The following CLCN5 variants were observed in gnomAD, a reference collection of about 807,000 sequenced individuals.
The protein encoded by CLCN5 is H(+)/Cl(-) exchange transporter 5.
Under a neutral mutation model 54.0 loss-of-function variants are expected in CLCN5, and 17 were observed. The ratio of observed to expected loss-of-function variants is 0.31; its 90% CI spans 0.22 to 0.47. The LOEUF (loss-of-function observed/expected upper bound fraction) is 0.47, where lower values mean the gene tolerates loss of function less well. CLCN5 is among the 20% of genes least tolerant of loss of function. The pLI is 1.00. For synonymous variants in CLCN5, 222 were observed against 233.0 expected (o/e 0.95, Z 0.43); for missense variants, 448 against 646.7 (o/e 0.69, Z 3.33).
chrX:49,991,675 A>G (rs1929268858), intron 3 of CLCN5, among the ~76,000 whole-genome samples: 1 of 112,033 alleles, frequency 8.9e-6, no homozygotes, highest in African/African-American at 3.3e-5. Context: ...TAATGCTACA[A>G]GTTTAGCCAA....
In CLCN5 at chrX:50,080,667, C is replaced by T. The variant is rs781909097; in HGVS notation, c.677C>T (p.Ser226Phe). The T allele has an allele frequency of 1.3e-5, 16 of 1,201,708 alleles. No individual in the cohort carries two copies. The highest frequency in any genetic ancestry group is 1.8e-5 in the Non-Finnish European group (16 of 888,365). The change falls in exon 8 of 15, where the codon TCT (serine) becomes TTT (phenylalanine). Residue 226 changes from serine (S) to phenylalanine (F), a missense_variant. Ser to Phe is a radical substitution (Grantham distance 155, BLOSUM62 -2). Around this residue, in one of 5 missense-constraint regions of CLCN5, gnomAD observed 40 missense variants for 27.8 expected, o/e 1.44. Coordinates refer to ENST00000376091, the MANE Select transcript of CLCN5 (RefSeq NM_001127898.4). ...WALLFAFLAV[S>F]LVKVFAPYAC... Reference sequence around the variant, plus strand: ...CTCCTATTTGCCTTCCTTGCCGTATCTCTTGTCAAGGTGTTTGCGCCTTAT... The same window carrying T: ...CTCCTATTTGCCTTCCTTGCCGTATTTCTTGTCAAGGTGTTTGCGCCTTAT...
chrX:49,962,472 A>T (rs1428407640), intron 3 of CLCN5, among the ~76,000 whole-genome samples: 1 of 111,696 alleles, frequency 9.0e-6, no homozygotes, highest in Non-Finnish European at 1.9e-5. Flanking sequence ...GCAGCGGCGA[A>T]TCCCTAATTT....
At chrX:49,952,861 T>C (rs1485164231) in intron 3 of CLCN5, among the ~76,000 whole-genome samples, 2 of 111,166 alleles carry the variant, frequency 1.8e-5, no homozygotes, top group Non-Finnish European at 3.8e-5. Flanking sequence ...CACCCATGCA[T>C]ATAGACTTCT....
intron 3 of CLCN5, among the ~76,000 whole-genome samples, chrX:49,986,019 C>A (rs1215467560): frequency 9.0e-6 from 1 of 111,671 alleles, no homozygotes; most frequent in Non-Finnish European, 1.9e-5. Context: ...ACCTTAATTT[C>A]TTAATTTATC....
At chrX:49,984,601 T>C (rs1928902736) in intron 3 of CLCN5, among the ~76,000 whole-genome samples, 1 of 110,812 alleles carries the variant, frequency 9.0e-6, no homozygotes, top group Admixed American at 9.7e-5. Flanking sequence ...TTCTCTTCTT[T>C]TCTTTTTTGT....
intron 3 of CLCN5, among the ~76,000 whole-genome samples, chrX:49,951,256 C>T (rs782307088): frequency 2.7e-5 from 3 of 111,817 alleles, no homozygotes; most frequent in Non-Finnish European, 5.6e-5. Flanking sequence ...GATATCTCAT[C>T]CTTATATCAT....
intron 3 of CLCN5, among the ~76,000 whole-genome samples, chrX:50,004,509 G>A (rs933539589): frequency 2.7e-5 from 3 of 111,035 alleles, no homozygotes; most frequent in African/African-American, 9.8e-5. Context: ...GCATAGGGCT[G>A]GGAAGTAGTA....
intron 3 of CLCN5, among the ~76,000 whole-genome samples, chrX:49,938,553 T>A (rs1926134636): frequency 8.9e-6 from 1 of 111,784 alleles, no homozygotes; most frequent in Non-Finnish European, 1.9e-5. Context: ...ATTCCCTAGT[T>A]AATAAATGGT....
chrX:49,971,753 T>G (rs2147326511), intron 3 of CLCN5, among the ~76,000 whole-genome samples: 1 of 111,983 alleles, frequency 8.9e-6, no homozygotes, highest in South Asian at 3.7e-4. Flanking sequence ...AGTTCAATGC[T>G]CAGATACCAC....
Position 50,084,704 on chromosome X carries a change from A to G in CLCN5, c.934-1276A>G, listed in dbSNP as rs191659229. On this transcript the variant is annotated intron_variant, in intron 9 of 14. Transcript: ENST00000376091. ...CGGCTAGTATTTGAATCTTAAATTT[A>G]CTTTCTAGCACTTATTTAGACTTTC... 2.9e-3 allele frequency among the ~76,000 whole-genome samples: 329 copies of G among 111,648 alleles called. 1 individual carries two copies. The highest frequency in any genetic ancestry group is 0.01 in the African/African-American group (314 of 30,719).
At chrX:49,926,465 TA>T (rs1925347440) in intron 3 of CLCN5, among the ~76,000 whole-genome samples, 1 of 112,249 alleles carries the variant, frequency 8.9e-6, no homozygotes, top group Non-Finnish European at 1.9e-5. Flanking sequence ...GAATAAGTGT[TA>T]GAATAGAGAG....
rs1348924144 is a variant in CLCN5 at position 50,081,549 on chromosome X, G to C, written c.727-92G>C. 7.6e-6 allele frequency: 5 copies of C among 659,880 alleles called. No homozygotes were observed. In the African/African-American group the frequency reaches 8.5e-5, roughly 11 times the overall value. 54.4% of individuals were successfully genotyped at this position (659,880 alleles called of 1,213,427 possible). A position where few individuals can be genotyped will look rare whatever the true frequency, so the allele number is the denominator to read the frequency against. On this transcript the variant is annotated intron_variant, in intron 8 of 14. Transcript: ENST00000376091. ...GCATTTATATGTCACTTATTCAAAA[G>C]GTGCAGTTTCTATAATGAGGTCCAG...
chrX:49,995,810 A>T (rs1929492998), intron 3 of CLCN5, among the ~76,000 whole-genome samples: 1 of 111,917 alleles, frequency 8.9e-6, no homozygotes, highest in Non-Finnish European at 1.9e-5. Flanking sequence ...TGCCAGTTTT[A>T]TCATGTGTTA....
intron 3 of CLCN5, among the ~76,000 whole-genome samples, chrX:49,998,862 T>TAC (rs1357218752): frequency 2.2e-4 from 24 of 110,459 alleles, no homozygotes; most frequent in African/African-American, 3.0e-4. Context: ...TTGAGTCTTC[T>TAC]ACACACACAC....
intron 4 of CLCN5, among the ~76,000 whole-genome samples, chrX:50,064,318 G>A (rs1474972239): frequency 9.5e-6 from 1 of 105,289 alleles, no homozygotes; most frequent in African/African-American, 3.5e-5. Context: ...AAAGTCTCAG[G>A]ATACAAAATC....
chrX:49,989,389 G>A (rs1929145927), intron 3 of CLCN5, among the ~76,000 whole-genome samples: 1 of 111,896 alleles, frequency 8.9e-6, no homozygotes, highest in Non-Finnish European at 1.9e-5. Flanking sequence ...TAAAGTGTGT[G>A]TCCTTCCCAC....
At chrX:50,046,351 T>G (rs1249191271) in intron 4 of CLCN5, among the ~76,000 whole-genome samples, 1 of 112,237 alleles carries the variant, frequency 8.9e-6, no homozygotes, top group Non-Finnish European at 1.9e-5. Flanking sequence ...GTAATGCTCT[T>G]CGATTCCCCT....
intron 4 of CLCN5, among the ~76,000 whole-genome samples, chrX:50,055,314 A>G (rs1412952815): frequency 8.9e-6 from 1 of 111,993 alleles, no homozygotes; most frequent in South Asian, 3.8e-4. Flanking sequence ...ATACACCTTC[A>G]TGTTACAGAT....
intron 3 of CLCN5, among the ~76,000 whole-genome samples, chrX:49,940,849 G>T (rs1557170750): frequency 9.0e-6 from 1 of 111,094 alleles, no homozygotes; most frequent in Non-Finnish European, 1.9e-5. Flanking sequence ...AAGGGATTCT[G>T]GGAGCTATGG....
Sources: allele counts gnomAD v4.1 joint callset (sites outside exome capture counted in the v4.1 genomes callset), GRCh38; gene constraint gnomAD v4.1.1; regional missense constraint gnomAD v4.1.1; transcripts MANE v1.5; gene names NCBI Gene and HGNC (gene_info 2026-07-23, HGNC 2026-07-21).